The following TSHZ2 variants were observed in gnomAD, a reference collection of about 807,000 sequenced individuals.
TSHZ2 encodes the protein teashirt homolog 2.
Under a neutral mutation model 74.4 loss-of-function variants are expected in TSHZ2, and 21 were observed. The ratio of observed to expected loss-of-function variants is 0.28; its 90% CI spans 0.20 to 0.41. TSHZ2 has a LOEUF of 0.41. TSHZ2 is among the 10% of genes least tolerant of loss of function. The pLI is 1.00. For synonymous variants in TSHZ2, 540 were observed against 515.3 expected (o/e 1.05, Z -0.65); for missense variants, 1,244 against 1,293.5 (o/e 0.96, Z 0.59).
Position 53,470,513 on chromosome 20 carries a change from C to G in TSHZ2, c.*9-16631C>G, listed in dbSNP as rs533006426. 7.2e-5 allele frequency among the ~76,000 whole-genome samples: 11 copies of G among 152,282 alleles called. No individual in the cohort carries two copies. The East Asian group carries it at 2.1e-3, about 29-fold the overall frequency. On this transcript the variant is annotated intron_variant, in intron 2 of 2. Transcript: ENST00000371497. ...TGCTCCTTTGCTTCCTTGTCACAGT[C>G]TTTTTAAAATAATAACACTTGGCCG...
intron 1 of TSHZ2, among the ~76,000 whole-genome samples, chr20:53,002,661 A>G (rs1350576508): frequency 6.6e-6 from 1 of 151,966 alleles, no homozygotes; most frequent in Non-Finnish European, 1.5e-5. Context: ...ATAAATTTAT[A>G]AAAAAGAACA....
chr20:53,417,327 C>G (rs1051511435), intron 2 of TSHZ2, among the ~76,000 whole-genome samples: 1 of 151,790 alleles, frequency 6.6e-6, no homozygotes, highest in Admixed American at 6.6e-5. Flanking sequence ...GAAGGGGTCT[C>G]GCTCTGTCAC....
intron 1 of TSHZ2, among the ~76,000 whole-genome samples, chr20:53,197,327 T>G: frequency 6.6e-6 from 1 of 152,358 alleles, no homozygotes; most frequent in Non-Finnish European, 1.5e-5. Context: ...AAAAAAATTT[T>G]GATTCTCAAC....
At chr20:53,237,705 T>G (rs773260643) in intron 1 of TSHZ2, among the ~76,000 whole-genome samples, 17 of 152,192 alleles carry the variant, frequency 1.1e-4, no homozygotes, top group Non-Finnish European at 2.2e-4. Context: ...TATCATGTTA[T>G]TATATATTTA....
At chr20:53,338,990 A>G (rs552641955) in intron 2 of TSHZ2, among the ~76,000 whole-genome samples, 1 of 152,334 alleles carries the variant, frequency 6.6e-6, no homozygotes, top group East Asian at 1.9e-4. Context: ...CAATGCATAC[A>G]TTTAAGAAAG....
chr20:53,398,061 A>G lies in TSHZ2; in HGVS notation c.*9-89083A>G, dbSNP rs1443093064. 3.9e-5 allele frequency: 6 copies of G among 152,332 alleles called. No individual in the cohort carries two copies. The East Asian group carries it at 1.2e-3, about 29-fold the overall frequency. The allele number at this position is 152,332 out of a possible 1,614,324, so 9.4% of individuals were successfully genotyped here. On this transcript the variant is annotated intron_variant, in intron 2 of 2. Coordinates refer to ENST00000371497, the MANE Select transcript of TSHZ2 (RefSeq NM_173485.6). ...GAGTTAATGGGTGCAGCACACCAAC[A>G]TGACACATATATACATATGTAACAA...
intron 1 of TSHZ2, among the ~76,000 whole-genome samples, chr20:53,163,069 T>G (rs142097690): frequency 0.012 from 1,760 of 152,320 alleles, 123 homozygotes; most frequent in Admixed American, 0.1. Context: ...CTGTTTCCTG[T>G]CTATCGGCCT....
chr20:53,089,961 C>T (rs931656161), intron 1 of TSHZ2, among the ~76,000 whole-genome samples: 8 of 152,234 alleles, frequency 5.3e-5, no homozygotes, highest in African/African-American at 1.2e-4. Flanking sequence ...AATAGGCCAT[C>T]TGCAAGCTGA....
chr20:53,314,924 G>C, intron 2 of TSHZ2, among the ~76,000 whole-genome samples: 1 of 152,260 alleles, frequency 6.6e-6, no homozygotes, highest in Non-Finnish European at 1.5e-5. Context: ...ACCCGGCCTA[G>C]TTCTAGCTTT....
chr20:53,387,415 A>T (rs1199657839), intron 2 of TSHZ2, among the ~76,000 whole-genome samples: 1 of 152,222 alleles, frequency 6.6e-6, no homozygotes, highest in Non-Finnish European at 1.5e-5. Flanking sequence ...GGTTTCCACC[A>T]TGTACTTCCT....
chr20:53,387,092 C>A (rs547900186), intron 2 of TSHZ2, among the ~76,000 whole-genome samples: 1 of 152,276 alleles, frequency 6.6e-6, no homozygotes, highest in Non-Finnish European at 1.5e-5. Context: ...ACTTCACACA[C>A]CTGCCTAGAC....
chr20:53,468,474 TTTGTTG>T (rs770299076), intron 2 of TSHZ2, among the ~76,000 whole-genome samples: 1 of 152,140 alleles, frequency 6.6e-6, no homozygotes. Context: ...GCCTGACATT[TTTGTTG>T]TTGTTGTTCT....
intron 2 of TSHZ2, among the ~76,000 whole-genome samples, chr20:53,359,099 T>G (rs904856351): frequency 6.6e-6 from 1 of 152,168 alleles, no homozygotes; most frequent in East Asian, 1.9e-4. Flanking sequence ...CTGTAAGTAC[T>G]ATTTTTTTGG....
chr20:53,393,665 A>AACACACACACACACAC (rs113428598), intron 2 of TSHZ2, among the ~76,000 whole-genome samples: 2 of 148,442 alleles, frequency 1.3e-5, no homozygotes, highest in Non-Finnish European at 3.0e-5. Flanking sequence ...TACACACGCA[A>AACACACACACACACAC]ACACACACAC....
At chr20:52,993,132 C>T (rs1412585769) in intron 1 of TSHZ2, among the ~76,000 whole-genome samples, 1 of 152,116 alleles carries the variant, frequency 6.6e-6, no homozygotes, top group African/African-American at 2.4e-5. Flanking sequence ...CTATTTCAGC[C>T]AACATTCTCA....
At chr20:53,149,134 C>T (rs16997620) in intron 1 of TSHZ2, among the ~76,000 whole-genome samples, 3,205 of 151,456 alleles carry the variant, frequency 0.021, 120 homozygotes, top group African/African-American at 0.074. Flanking sequence ...TTAGGCGAGG[C>T]CTTGGGAGCA....
rs1280108203 is a variant in TSHZ2 at position 53,047,843 on chromosome 20, A to G, written c.40+74510A>G. Among the ~76,000 whole-genome samples the G allele has an allele frequency of 3.3e-5, 5 of 152,318 alleles. No homozygotes were observed. The East Asian group carries it at 5.8e-4, about 18-fold the overall frequency. On this transcript the variant is annotated intron_variant, in intron 1 of 2. Coordinates refer to ENST00000371497, the MANE Select transcript of TSHZ2 (RefSeq NM_173485.6). ...AAAATAGGTTCCATGCATGGAGTGC[A>G]TACCCCATGCATGGATGTGGTGTTA...
chr20:53,064,906 G>C (rs907056377), intron 1 of TSHZ2, among the ~76,000 whole-genome samples: 1 of 152,122 alleles, frequency 6.6e-6, no homozygotes, highest in Non-Finnish European at 1.5e-5. Flanking sequence ...CTTGCCTTCA[G>C]GGTTTACTCT....
intron 2 of TSHZ2, among the ~76,000 whole-genome samples, chr20:53,431,163 C>T (rs1204974350): frequency 6.6e-6 from 1 of 151,970 alleles, no homozygotes; most frequent in East Asian, 1.9e-4. Context: ...TAAGACAATG[C>T]AGGAAAGGCA....
Sources: allele counts gnomAD v4.1 joint callset (sites outside exome capture counted in the v4.1 genomes callset), GRCh38; gene constraint gnomAD v4.1.1; transcripts MANE v1.5; gene names NCBI Gene and HGNC (gene_info 2026-07-23, HGNC 2026-07-21).